Variants in LRMDA observed in about 807,000 individuals in gnomAD.
LRMDA encodes leucine rich melanocyte differentiation associated.
A neutral mutation model predicts 29.8 loss-of-function variants in LRMDA; 18 were observed. The observed-to-expected ratio is 0.60, with a 90% CI of 0.42 to 0.90. The LOEUF is 0.90. Among genes scored for constraint, LRMDA ranks in the 40% least tolerant of loss-of-function variants. The pLI, the probability that LRMDA is intolerant of heterozygous loss-of-function variation, is 0.00. For synonymous variants in LRMDA, 125 were observed against 109.4 expected, an observed-to-expected ratio of 1.14 and a Z score of -0.89; for missense variants, 273 against 273.9, an observed-to-expected ratio of 1.00 and a Z score of 0.02.
intron 6 of LRMDA, among the ~76,000 whole-genome samples, chr10:76,473,495 A>G (rs1452305577): frequency 6.6e-6 from 1 of 151,560 alleles, no homozygotes; most frequent in African/African-American, 2.4e-5. Context: ...ATTTAACATT[A>G]CAGTTAAAGT....
intron 2 of LRMDA, among the ~76,000 whole-genome samples, chr10:76,013,938 C>A (rs949755146): frequency 1.3e-5 from 2 of 150,984 alleles, no homozygotes; most frequent in African/African-American, 4.9e-5. Flanking sequence ...CAGCCCTCAA[C>A]CAATGACTGA....
chr10:75,751,243 G>T (rs1050555799), intron 2 of LRMDA, among the ~76,000 whole-genome samples: 2 of 152,132 alleles, frequency 1.3e-5, no homozygotes, highest in African/African-American at 4.8e-5. Flanking sequence ...CAGGGAGGTT[G>T]CAGTGAGCCG....
At chr10:76,178,946 C>T (rs1009485536) in intron 5 of LRMDA, among the ~76,000 whole-genome samples, 1 of 152,102 alleles carries the variant, frequency 6.6e-6, no homozygotes, top group Admixed American at 6.6e-5. Context: ...CGATGGTGTT[C>T]ACCGTGTTTG....
intron 5 of LRMDA, among the ~76,000 whole-genome samples, chr10:76,141,708 C>T (rs1850204447): frequency 6.6e-6 from 1 of 152,070 alleles, no homozygotes; most frequent in Non-Finnish European, 1.5e-5. Flanking sequence ...TCACAAATCT[C>T]TCTGAAATTG....
At chr10:75,496,451 G>A (rs557183474) in intron 2 of LRMDA, among the ~76,000 whole-genome samples, 41 of 152,206 alleles carry the variant, frequency 2.7e-4, no homozygotes, top group Non-Finnish European at 4.6e-4. Context: ...ACTATGCTAA[G>A]TGCTTAGTAA....
intron 5 of LRMDA, among the ~76,000 whole-genome samples, chr10:76,272,762 G>C (rs1047533790): frequency 6.6e-6 from 1 of 152,150 alleles, no homozygotes; most frequent in Non-Finnish European, 1.5e-5. Context: ...ACATGGCTGA[G>C]GAGGCCTGAG....
At chr10:76,447,403 G>T (rs1383667439) in intron 6 of LRMDA, among the ~76,000 whole-genome samples, 1 of 151,926 alleles carries the variant, frequency 6.6e-6, no homozygotes, top group East Asian at 1.9e-4. Context: ...ATATCTTCTT[G>T]GTTCTGTTTT....
chr10:76,426,003 G>T (rs765718480), intron 6 of LRMDA, among the ~76,000 whole-genome samples: 1 of 152,230 alleles, frequency 6.6e-6, no homozygotes, highest in East Asian at 1.9e-4. Context: ...GTCTATCATT[G>T]TTGGACATTT....
intron 2 of LRMDA, among the ~76,000 whole-genome samples, chr10:75,862,154 C>A (rs997941939): frequency 6.8e-6 from 1 of 146,692 alleles, no homozygotes; most frequent in African/African-American, 2.5e-5. Flanking sequence ...TGTTATATAG[C>A]AATAGATAAT....
chr10:75,923,945 G>A (rs1406635116), intron 2 of LRMDA, among the ~76,000 whole-genome samples: 2 of 152,170 alleles, frequency 1.3e-5, no homozygotes, highest in South Asian at 2.1e-4. Flanking sequence ...ATTCAAACGG[G>A]ATAGTCCCTT....
At position 76,519,412 on chromosome 10, in the gene LRMDA, G is replaced by A. The variant is rs1464792106; in HGVS notation, c.602-37797G>A. On this transcript the variant is annotated intron_variant, in intron 6 of 6. Transcript: ENST00000611255. ...CCTATAGCATACTTTGTTCTTAATG[G>A]TAAAAAGTTAGAAGCATTTCTTGTA... 2.6e-5 allele frequency among the ~76,000 whole-genome samples: 4 copies of A among 152,196 alleles called. No individual in the cohort carries two copies. The East Asian group carries it at 7.7e-4, about 29-fold the overall frequency.
At chr10:75,715,633 A>G (rs931396891) in intron 2 of LRMDA, among the ~76,000 whole-genome samples, 2 of 152,222 alleles carry the variant, frequency 1.3e-5, no homozygotes, top group Non-Finnish European at 2.9e-5. Flanking sequence ...ATATTTTGCC[A>G]GTCTTAAATT....
intron 2 of LRMDA, among the ~76,000 whole-genome samples, chr10:75,891,086 C>T (rs1845480474): frequency 6.8e-6 from 1 of 147,766 alleles, no homozygotes; most frequent in Non-Finnish European, 1.5e-5. Context: ...GCCTGGGCGA[C>T]AGAGCTAGAC....
At chr10:76,405,346 T>C (rs1339263076) in intron 6 of LRMDA, among the ~76,000 whole-genome samples, 1 of 152,186 alleles carries the variant, frequency 6.6e-6, no homozygotes, top group Non-Finnish European at 1.5e-5. Context: ...TGAGGCCAGC[T>C]TTCGTCACTA....
intron 2 of LRMDA, among the ~76,000 whole-genome samples, chr10:75,473,671 TCA>T (rs1313451518): frequency 6.6e-6 from 1 of 152,252 alleles, no homozygotes; most frequent in Non-Finnish European, 1.5e-5. Context: ...TTTCTGTGGC[TCA>T]GTTTCCTCAT....
intron 6 of LRMDA, among the ~76,000 whole-genome samples, chr10:76,469,832 A>T (rs755010818): frequency 4.0e-4 from 61 of 152,120 alleles, no homozygotes; most frequent in Non-Finnish European, 7.9e-4. Flanking sequence ...TCCCCTACCC[A>T]TGTACAATTC....
chr10:75,842,381 C>T (rs1482165568), intron 2 of LRMDA, among the ~76,000 whole-genome samples: 1 of 151,818 alleles, frequency 6.6e-6, no homozygotes, highest in Non-Finnish European at 1.5e-5. Context: ...TCCATAGTAC[C>T]CTTGATTTTA....
chr10:76,440,878 C>T (rs143854946), intron 6 of LRMDA, among the ~76,000 whole-genome samples: 5 of 152,248 alleles, frequency 3.3e-5, no homozygotes, highest in Admixed American at 6.5e-5. Flanking sequence ...TGCCACCCCA[C>T]GTCTCCCCTT....
At chr10:75,629,397 A>G (rs562612653) in intron 2 of LRMDA, among the ~76,000 whole-genome samples, 1 of 151,956 alleles carries the variant, frequency 6.6e-6, no homozygotes, top group Non-Finnish European at 1.5e-5. Context: ...AGGGTCCTCA[A>G]CTTTGTAATT....
Sources: gnomAD v4.1 joint callset for allele counts (sites outside exome capture counted in the v4.1 genomes callset) on GRCh38, gnomAD v4.1.1 for gene constraint, MANE v1.5 for transcripts, NCBI Gene and HGNC (gene_info 2026-07-23, HGNC 2026-07-21) for gene names.